The following RMDN2 variants were observed in gnomAD, a reference collection of about 807,000 sequenced individuals.
The protein encoded by RMDN2 is regulator of microtubule dynamics 2, also known as regulator of microtubule dynamics protein 2.
RMDN2 carries 61 observed loss-of-function variants against 52.8 expected under a neutral mutation model. The observed-to-expected ratio is 1.16, with a 90% CI of 0.94 to 1.43. The LOEUF is 1.43. Ranked by LOEUF, RMDN2 falls within the 40% of genes most tolerant of loss-of-function variation. The probability of loss-of-function intolerance (pLI) is 0.00; values close to 1 mark genes in which losing one functional copy is unlikely to be tolerated. For missense variants in RMDN2, 592 were observed against 475.3 expected (o/e 1.25, Z -2.28); for synonymous variants, 180 against 153.1 (o/e 1.18, Z -1.30).
intron 2 of RMDN2, among the ~76,000 whole-genome samples, chr2:37,931,134 G>C (rs1022058056): frequency 3.9e-5 from 6 of 152,098 alleles, no homozygotes; most frequent in Non-Finnish European, 7.4e-5. Context: ...TGTTGTTCAA[G>C]AACACAAATT....
intron 10 of RMDN2, among the ~76,000 whole-genome samples, chr2:38,045,820 A>T (rs1374718625): frequency 6.6e-6 from 1 of 152,212 alleles, no homozygotes; most frequent in African/African-American, 2.4e-5. Flanking sequence ...TTCACAATTG[A>T]TGCTGCAGAC....
At chr2:38,000,411 T>C (rs532174701) in intron 8 of RMDN2, among the ~76,000 whole-genome samples, 3 of 152,240 alleles carry the variant, frequency 2.0e-5, no homozygotes, top group African/African-American at 4.8e-5. Context: ...GACAAACTTA[T>C]ATACCTATGT....
intron 10 of RMDN2, among the ~76,000 whole-genome samples, chr2:38,034,896 CCTA>C (rs1467098935): frequency 1.3e-5 from 2 of 151,842 alleles, no homozygotes; most frequent in Non-Finnish European, 2.9e-5. Context: ...GCTCATCATG[CCTA>C]CTAACAAAGT....
intron 2 of RMDN2, among the ~76,000 whole-genome samples, chr2:37,940,595 T>C (rs1315074329): frequency 6.6e-6 from 1 of 152,180 alleles, no homozygotes; most frequent in Non-Finnish European, 1.5e-5. Context: ...TCATTCTTTT[T>C]TTCTCTAATC....
intron 4 of RMDN2, among the ~76,000 whole-genome samples, chr2:37,977,054 C>G (rs181809770): frequency 3.4e-4 from 51 of 152,168 alleles, no homozygotes; most frequent in African/African-American, 1.0e-3. Flanking sequence ...TGACTCTGAA[C>G]GAGCATGCTG....
chr2:38,016,530 G>T (rs1678808418), intron 10 of RMDN2, among the ~76,000 whole-genome samples: 1 of 152,206 alleles, frequency 6.6e-6, no homozygotes, highest in South Asian at 2.1e-4. Flanking sequence ...ATATGAATAT[G>T]ATCTGTGTGG....
chr2:37,934,483 C>T (rs1318184836), intron 2 of RMDN2, among the ~76,000 whole-genome samples: 2 of 152,190 alleles, frequency 1.3e-5, no homozygotes, highest in Non-Finnish European at 2.9e-5. Flanking sequence ...CTAGTGTTAA[C>T]ATTTTGGAAA....
chr2:37,932,793 G>A lies in RMDN2; in HGVS notation c.452+3064G>A, dbSNP rs1238260787. ...CAGAGGCGCCCCTCACCTCCCGGAC[G>A]GGGCGGCTGGCTGGGCGGGGGGCTG... is the stretch of plus-strand genomic sequence containing the variant. On this transcript the variant is annotated intron_variant, in intron 2 of 10. Transcript: ENST00000354545. Among the ~76,000 whole-genome samples the A allele has an allele frequency of 4.8e-4, 64 of 132,316 alleles. 4 individuals are homozygous for A. Among genetic ancestry groups the A allele is most frequent in the Non-Finnish European group, 5.8e-4 (34 of 58,912 alleles). 86.8% of individuals were successfully genotyped at this position (132,316 alleles called of 152,430 possible). A position where few individuals can be genotyped will look rare whatever the true frequency, so the allele number is the denominator to read the frequency against.
intron 1 of RMDN2, among the ~76,000 whole-genome samples, chr2:37,928,569 C>A (rs1392085548): frequency 1.3e-5 from 2 of 152,284 alleles, no homozygotes; most frequent in Admixed American, 6.5e-5. Context: ...GTGAAGCAAT[C>A]AAAGAGAGCT....
intron 10 of RMDN2, among the ~76,000 whole-genome samples, chr2:38,066,099 T>C (rs1682267522): frequency 6.6e-6 from 1 of 152,238 alleles, no homozygotes; most frequent in African/African-American, 2.4e-5. Flanking sequence ...AGGGAAAATC[T>C]GGATGAGAAT....
At chr2:38,015,444 A>G (rs561650744) in intron 10 of RMDN2, among the ~76,000 whole-genome samples, 46 of 152,218 alleles carry the variant, frequency 3.0e-4, no homozygotes, top group Middle Eastern at 3.4e-3. Flanking sequence ...ACGTGCCTGT[A>G]GCCCCAGCTA....
At chr2:37,975,035 T>C in intron 3 of RMDN2, 177 bp from the exon 4 acceptor site, 1 of 596,514 alleles carries the variant, frequency 1.7e-6, no homozygotes, top group Non-Finnish European at 3.0e-6. Flanking sequence ...TCATATTTCT[T>C]AGCCATGAGT....
chr2:38,011,085 A>T (rs891823966), intron 10 of RMDN2, among the ~76,000 whole-genome samples: 1 of 152,202 alleles, frequency 6.6e-6, no homozygotes, highest in Non-Finnish European at 1.5e-5. Context: ...TTAACTATGT[A>T]GGCAGCAAAC....
chr2:38,054,015 A>C (rs1469874955), intron 10 of RMDN2, among the ~76,000 whole-genome samples: 2 of 152,144 alleles, frequency 1.3e-5, no homozygotes, highest in Non-Finnish European at 2.9e-5. Context: ...TTATTGATTA[A>C]TTTCCAGTTG....
Position 37,929,416 on chromosome 2 carries a change from A to G in RMDN2, c.139A>G (p.Asn47Asp). The G allele has an allele frequency of 3.9e-6, 6 of 1,551,490 alleles. No individual in the cohort carries two copies. Among genetic ancestry groups the G allele is most frequent in the Non-Finnish European group, 5.2e-6 (6 of 1,146,732 alleles). Residue 47 changes from asparagine (N) to aspartate (D), a missense_variant, in exon 2 of 11, where the codon AAT becomes GAT. Transcript: ENST00000354545. ...GTTACCTGAATTTCTTTCTCTGGGT[A>G]ATACATTTAATTCAATAACTTTGCA... ...MKLPEFLSLG[N>D]TFNSITLQDE...
chr2:37,977,047 C>T (rs1672565975), intron 4 of RMDN2, among the ~76,000 whole-genome samples: 1 of 152,074 alleles, frequency 6.6e-6, no homozygotes, highest in Non-Finnish European at 1.5e-5. Flanking sequence ...GTGGTGATGA[C>T]TCTGAACGAG....
rs150890601 is a variant in RMDN2, at chr2:37,955,927, T to A, written c.453-18113T>A. ...ATCTGGTTGTGATGTATAATCCTTC[T>A]AATGGGTTGTTGAATTCTGTTTGCT... On this transcript the variant is annotated intron_variant, in intron 2 of 10. Coordinates refer to ENST00000354545, the MANE Select transcript of RMDN2 (RefSeq NM_001170791.3). Among the ~76,000 whole-genome samples, 95 of 151,732 alleles carry A rather than the reference T, an allele frequency of 6.3e-4. No individual in the cohort carries two copies. The East Asian group carries it at 0.015, about 24-fold the overall frequency.
At position 37,929,635 on chromosome 2, in the gene RMDN2, A is replaced by G; in HGVS notation, c.358A>G (p.Ile120Val). 1 of 1,551,680 alleles carries G rather than the reference A, an allele frequency of 6.4e-7. No homozygotes were observed. The highest frequency in any genetic ancestry group is 8.7e-7 in the Non-Finnish European group (1 of 1,146,960). ...ELGGKITVHK[I>V]SPQHRARKRR... Reference sequence around the variant, plus strand: ...TGGAGGGAAAATAACTGTTCATAAGATAAGCCCTCAGCACAGAGCGAGAAA... The same window carrying G: ...TGGAGGGAAAATAACTGTTCATAAGGTAAGCCCTCAGCACAGAGCGAGAAA... The change falls in exon 2 of 11, where the codon ATA (isoleucine) becomes GTA (valine). Residue 120 changes from isoleucine (I) to valine (V), a missense_variant. Coordinates refer to ENST00000354545, the MANE Select transcript of RMDN2 (RefSeq NM_001170791.3).
At chr2:38,011,756 T>A (rs1160232454) in intron 10 of RMDN2, among the ~76,000 whole-genome samples, 1 of 152,228 alleles carries the variant, frequency 6.6e-6, no homozygotes, top group Admixed American at 6.5e-5. Context: ...TTGAAAGATC[T>A]GTATAATATG....
Sources: gnomAD v4.1 joint callset for allele counts (sites outside exome capture counted in the v4.1 genomes callset) on GRCh38, gnomAD v4.1.1 for gene constraint, MANE v1.5 for transcripts, NCBI Gene and HGNC (gene_info 2026-07-23, HGNC 2026-07-21) for gene names.